The following PFKP variants were observed in gnomAD, a reference collection of about 807,000 sequenced individuals.
The protein encoded by PFKP is ATP-dependent 6-phosphofructokinase, platelet type.
PFKP carries 101 observed loss-of-function variants against 94.3 expected under a neutral mutation model. The ratio of observed to expected loss-of-function variants is 1.07; its 90% CI spans 0.91 to 1.26. The LOEUF (loss-of-function observed/expected upper bound fraction) is 1.26, where lower values mean the gene tolerates loss of function less well. Among genes scored for constraint, PFKP ranks in the 50% most tolerant of loss-of-function variants. The pLI, the probability that PFKP is intolerant of heterozygous loss-of-function variation, is 0.00. For missense variants in PFKP, 1,145 were observed against 1,103.3 expected (o/e 1.04, Z -0.53); for synonymous variants, 573 against 432.6 (o/e 1.32, Z -4.03).
intron 4 of PFKP, among the ~76,000 whole-genome samples, chr10:3,102,250 C>CAAAAGAAAAA (rs1835089642): frequency 1.8e-5 from 1 of 54,776 alleles, no homozygotes; most frequent in Non-Finnish European, 3.4e-5. Flanking sequence ...GACTCTGTCT[C>CAAAAGAAAAA]AAAAAAAAAA....
rs548917268 is a variant in PFKP at position 3,108,930 on chromosome 10, G to A, written c.963+137G>A. On this transcript the variant is annotated intron_variant, in intron 9 of 21. Transcript: ENST00000381125. ...CCCGCGGCCCGGCCCTCATCTTAACGATCCTTGAGACCTTTGGTGTAGACC... is the reference window on the plus strand; with the variant it reads ...CCCGCGGCCCGGCCCTCATCTTAACAATCCTTGAGACCTTTGGTGTAGACC... 3.1e-5 allele frequency: 21 copies of A among 681,438 alleles called. No individual in the cohort carries two copies. The South Asian group carries it at 3.3e-4, about 11-fold the overall frequency. 42.2% of individuals were successfully genotyped at this position (681,438 alleles called of 1,614,324 possible).
rs568165484 is a variant in PFKP at position 3,126,822 on chromosome 10, G to A, written c.1684-2997G>A. ...GGCTCTCGCTCCCATGGGACTCCTC[G>A]GGGAATTTCTCAGCAGCAGGATCGC... is the stretch of plus-strand genomic sequence containing the variant. On this transcript the variant is annotated intron_variant, in intron 16 of 21. Coordinates refer to ENST00000381125, the MANE Select transcript of PFKP (RefSeq NM_002627.5). 2.0e-5 allele frequency among the ~76,000 whole-genome samples: 3 copies of A among 152,364 alleles called. 1 individual carries two copies. The highest frequency in any genetic ancestry group is 3.9e-4 in the East Asian group (2 of 5,182).
At chr10:3,109,282 T>G in intron 9 of PFKP, 73 bp from the exon 10 acceptor site, 2 of 1,590,234 alleles carry the variant, frequency 1.3e-6, no homozygotes, top group Non-Finnish European at 1.7e-6. Flanking sequence ...TTGGACGTCA[T>G]GGAAAGATAG....
intron 19 of PFKP, among the ~76,000 whole-genome samples, chr10:3,133,956 C>A (rs1434112391): frequency 6.6e-6 from 1 of 152,088 alleles, no homozygotes; most frequent in Non-Finnish European, 1.5e-5. Flanking sequence ...TACTTGACAC[C>A]CCAAGTCAGA....
chr10:3,075,375 C>G (rs1055765480), intron 1 of PFKP, among the ~76,000 whole-genome samples: 1 of 151,566 alleles, frequency 6.6e-6, no homozygotes, highest in African/African-American at 2.4e-5. Flanking sequence ...TTGTGCTGGT[C>G]GAAAGTCAAG....
intron 14 of PFKP, among the ~76,000 whole-genome samples, chr10:3,117,139 A>T (rs1370660447): frequency 6.6e-6 from 1 of 152,220 alleles, no homozygotes; most frequent in Non-Finnish European, 1.5e-5. Context: ...CTCCACTTGG[A>T]GGTCATAAAG....
chr10:3,068,704 C>T lies in PFKP; in HGVS notation c.112+997C>T, dbSNP rs553297636. 5,817 of 985,128 alleles carry T rather than the reference C, an allele frequency of 5.9e-3. 18 individuals are homozygous for T. The highest frequency in any genetic ancestry group is 6.5e-3 in the Non-Finnish European group (5,427 of 829,706). The allele number at this position is 985,128 out of a possible 1,614,324, so 61.0% of individuals were successfully genotyped here. The stretch of plus-strand genomic sequence containing the variant: ...GGGTGCACGTGGGGGCGCCGGTGCC[C>T]GGATGATGGAGTGTCCCGATCCGTG... On this transcript the variant is annotated intron_variant, in intron 1 of 21. Coordinates refer to ENST00000381125, the MANE Select transcript of PFKP (RefSeq NM_002627.5).
At chr10:3,079,064 G>A (rs1056179551) in intron 1 of PFKP, among the ~76,000 whole-genome samples, 1 of 152,200 alleles carries the variant, frequency 6.6e-6, no homozygotes, top group African/African-American at 2.4e-5. Flanking sequence ...TGCTGCGGCC[G>A]CTGATGGTGA....
At chr10:3,120,736 T>G (rs1375954790) in intron 16 of PFKP, among the ~76,000 whole-genome samples, 1 of 152,162 alleles carries the variant, frequency 6.6e-6, no homozygotes, top group African/African-American at 2.4e-5. Flanking sequence ...CTCAGCTCAC[T>G]GCAGCCTCGA....
Position 3,135,846 on chromosome 10 carries a change from G to A in PFKP, c.2225+8G>A, listed in dbSNP as rs1839209732. 1.3e-6 allele frequency: 2 copies of A among 1,582,818 alleles called. No homozygotes were observed. The highest frequency in any genetic ancestry group is 1.1e-5 in the South Asian group (1 of 90,324). On this transcript the variant is annotated splice_region_variant and intron_variant, in intron 21 of 21. Coordinates refer to ENST00000381125, the MANE Select transcript of PFKP (RefSeq NM_002627.5). ...GAAGCAAACGGATTTTGAGTAAGTTGGCTGGGTTCCCTGAGGCAATAAGAC... is the reference window on the plus strand; with the variant it reads ...GAAGCAAACGGATTTTGAGTAAGTTAGCTGGGTTCCCTGAGGCAATAAGAC...
At chr10:3,093,863 T>A (rs1220597645) in intron 2 of PFKP, among the ~76,000 whole-genome samples, 1 of 152,126 alleles carries the variant, frequency 6.6e-6, no homozygotes, top group South Asian at 2.1e-4. Flanking sequence ...CAGGATGGTC[T>A]CCATCTCCTG....
chr10:3,105,326 G>T, intron 6 of PFKP, 67 bp from the exon 7 acceptor site: 2 of 1,411,718 alleles, frequency 1.4e-6, no homozygotes, highest in South Asian at 2.3e-5. Flanking sequence ...CGCTGAGCGG[G>T]GTGCCTGGGC....
intron 21 of PFKP, among the ~76,000 whole-genome samples, chr10:3,136,221 C>T (rs1000261630): frequency 3.3e-5 from 5 of 152,136 alleles, no homozygotes; most frequent in African/African-American, 9.7e-5. Flanking sequence ...GCTGAGATTG[C>T]ACCACTGTAC....
intron 16 of PFKP, among the ~76,000 whole-genome samples, chr10:3,123,892 T>A (rs1044780145): frequency 4.6e-4 from 70 of 152,116 alleles, no homozygotes; most frequent in African/African-American, 1.7e-3. Context: ...TGGGCCTGGG[T>A]GGAGGTGGAG....
intron 2 of PFKP, among the ~76,000 whole-genome samples, chr10:3,094,102 C>T (rs900223951): frequency 1.3e-5 from 2 of 152,180 alleles, no homozygotes; most frequent in African/African-American, 4.8e-5. Flanking sequence ...GCACCATCTC[C>T]CTTCACCACC....
At chr10:3,101,680 C>CAGGACTTTTTAGG in intron 4 of PFKP, 126 bp downstream of exon 4, 1 of 645,336 alleles carries the variant, frequency 1.5e-6, no homozygotes, top group South Asian at 2.4e-5. Context: ...GTCACCATCT[C>CAGGACTTTTTAGG]AGGACTTTTT....
intron 20 of PFKP, 98 bp downstream of exon 20, chr10:3,134,680 C>G (rs1839021497): frequency 2.6e-6 from 2 of 779,008 alleles, no homozygotes; most frequent in South Asian, 2.9e-5. Context: ...GTGCTGGTTC[C>G]TTCTTCAGTT....
At chr10:3,098,842 G>A (rs374442359) in intron 2 of PFKP, among the ~76,000 whole-genome samples, 11 of 152,120 alleles carry the variant, frequency 7.2e-5, no homozygotes, top group African/African-American at 2.2e-4. Context: ...CCCAAGTGGC[G>A]CAGGGTGCCT....
At chr10:3,093,076 C>G (rs190892121) in intron 2 of PFKP, among the ~76,000 whole-genome samples, 30 of 151,434 alleles carry the variant, frequency 2.0e-4, no homozygotes, top group African/African-American at 7.3e-4. Flanking sequence ...TGGGGGTGAC[C>G]ACGGAAGCCT....
Sources: allele counts gnomAD v4.1 joint callset (sites outside exome capture counted in the v4.1 genomes callset), GRCh38; gene constraint gnomAD v4.1.1; transcripts MANE v1.5; gene names NCBI Gene and HGNC (gene_info 2026-07-23, HGNC 2026-07-21).